CA1: variants seen among roughly 807,000 people sequenced by gnomAD.
The protein encoded by CA1 is carbonate dehydratase I.
A neutral mutation model predicts 28.8 loss-of-function variants in CA1; 27 were observed. The ratio of observed to expected loss-of-function variants is 0.94; its 90% CI spans 0.69 to 1.29. The LOEUF (loss-of-function observed/expected upper bound fraction) is 1.29, where lower values mean the gene tolerates loss of function less well. CA1 is among the 50% of genes most tolerant of loss of function. The probability of loss-of-function intolerance (pLI) is 0.00; values close to 1 mark genes in which losing one functional copy is unlikely to be tolerated. For synonymous variants in CA1, 121 were observed against 108.8 expected, an observed-to-expected ratio of 1.11 and a Z score of -0.70; for missense variants, 335 against 310.5, an observed-to-expected ratio of 1.08 and a Z score of -0.59.
rs1316744851 is a variant in CA1, at chr8:85,361,577, C to T, written c.-25+16469G>A. Among the ~76,000 whole-genome samples, 7 of 151,912 alleles carry T rather than the reference C, an allele frequency of 4.6e-5. No homozygotes were observed. The South Asian group carries it at 6.2e-4, about 14-fold the overall frequency. ...CTGTAATCCCACCTACTTGGGAGGC[C>T]GAGACAGGAGAATCACTTGAACCCA... On this transcript the variant is annotated intron_variant, in intron 1 of 7. Transcript: ENST00000523022.
At chr8:85,372,721 A>G (rs1241180712) in intron 1 of CA1, among the ~76,000 whole-genome samples, 1 of 152,190 alleles carries the variant, frequency 6.6e-6, no homozygotes, top group African/African-American at 2.4e-5. Flanking sequence ...AGAAATAAAC[A>G]ATACGTTTTC....
At chr8:85,344,461 A>T (rs1203934575) in intron 1 of CA1, among the ~76,000 whole-genome samples, 1 of 150,372 alleles carries the variant, frequency 6.7e-6, no homozygotes, top group Non-Finnish European at 1.5e-5. Flanking sequence ...ATGTTTTTCA[A>T]AAAAGCATTT....
At chr8:85,355,492 C>T (rs971319804) in intron 1 of CA1, among the ~76,000 whole-genome samples, 2 of 151,778 alleles carry the variant, frequency 1.3e-5, no homozygotes, top group Admixed American at 1.3e-4. Flanking sequence ...TAGCGATCCT[C>T]CCACCTCAGC....
chr8:85,375,054 A>G (rs762354514), intron 1 of CA1, among the ~76,000 whole-genome samples: 8 of 152,220 alleles, frequency 5.3e-5, no homozygotes, highest in Non-Finnish European at 1.2e-4. Context: ...TATATAAAAC[A>G]TATGATTGTG....
chr8:85,337,030 C>A lies in CA1; in HGVS notation c.269G>T (p.Arg90Met), dbSNP rs781306093. Residue 90 changes from arginine (R) to methionine (M), a missense_variant, in exon 4 of 8, where the codon AGG (arginine) becomes ATG (methionine). Physicochemically the swap from Arg to Met is moderately conservative, Grantham distance 91. Transcript: ENST00000523022. ...LKGGPFSDSYRLFQFHFHWGS... is the reference protein window; with the variant it reads ...LKGGPFSDSYMLFQFHFHWGS... ...CCAGTGAAAATGGAACTGAAAGAGCCTGTAGCTGTCAGAGAAAGGACCACC... is the reference window on the plus strand; with the variant it reads ...CCAGTGAAAATGGAACTGAAAGAGCATGTAGCTGTCAGAGAAAGGACCACC... The A allele has an allele frequency of 6.2e-7, 1 of 1,612,870 alleles. No individual in the cohort carries two copies. Among genetic ancestry groups the A allele is most frequent in the Admixed American group, 1.7e-5 (1 of 59,994 alleles).
chr8:85,357,254 T>C (rs936632335), intron 1 of CA1, among the ~76,000 whole-genome samples: 3 of 152,220 alleles, frequency 2.0e-5, no homozygotes, highest in African/African-American at 7.2e-5. Context: ...ACAGTGGAGC[T>C]GTATTTTTAT....
At chr8:85,375,995 A>G (rs937839069) in intron 1 of CA1, among the ~76,000 whole-genome samples, 1 of 152,228 alleles carries the variant, frequency 6.6e-6, no homozygotes, top group Admixed American at 6.5e-5. Context: ...AGTGAATAAT[A>G]TCCTATAGAG....
rs1496532 is a variant in CA1, at chr8:85,341,753, C to A, written c.-24-94G>T. ...GCTTGGGCGTTTTTATAGAAACTTACTTGCTTTTAATAGGCCATTATTTCA... is the reference window on the plus strand; with the variant it reads ...GCTTGGGCGTTTTTATAGAAACTTAATTGCTTTTAATAGGCCATTATTTCA... On this transcript the variant is annotated intron_variant, in intron 1 of 7. Transcript: ENST00000523022. 4.1e-6 allele frequency: 3 copies of A among 736,302 alleles called. No individual in the cohort carries two copies. The South Asian group carries it at 4.5e-5, about 11-fold the overall frequency. 45.6% of individuals were successfully genotyped at this position (736,302 alleles called of 1,614,324 possible).
At chr8:85,373,403 G>GCTTA (rs1351594900) in intron 1 of CA1, 13 of 152,124 alleles carry the variant, frequency 8.5e-5, no homozygotes, top group African/African-American at 3.1e-4. Flanking sequence ...ACATCACAAT[G>GCTTA]CTTACATCAT....
At chr8:85,330,575 A>G (rs1378760712) in intron 6 of CA1, among the ~76,000 whole-genome samples, 2 of 152,156 alleles carry the variant, frequency 1.3e-5, no homozygotes, top group African/African-American at 4.8e-5. Context: ...TTCACTATGA[A>G]GTTAAATGTT....
intron 1 of CA1, among the ~76,000 whole-genome samples, chr8:85,352,127 G>A (rs767780805): frequency 3.3e-5 from 5 of 152,208 alleles, no homozygotes; most frequent in Non-Finnish European, 7.3e-5. Flanking sequence ...TCACCAACCT[G>A]TCTCCTGAAA....
At chr8:85,345,671 G>A (rs956381711) in intron 1 of CA1, among the ~76,000 whole-genome samples, 3 of 152,152 alleles carry the variant, frequency 2.0e-5, no homozygotes, top group Admixed American at 2.0e-4. Flanking sequence ...GCTTACCCAA[G>A]TGCACTGATC....
intron 2 of CA1, among the ~76,000 whole-genome samples, chr8:85,340,747 A>T (rs1433997858): frequency 6.6e-6 from 1 of 152,228 alleles, no homozygotes; most frequent in Non-Finnish European, 1.5e-5. Flanking sequence ...AAAGAAGTTA[A>T]TTCCAAAGTC....
At chr8:85,333,662 T>C in intron 4 of CA1, 42 bp from the exon 5 acceptor site, 1 of 1,270,344 alleles carries the variant, frequency 7.9e-7, no homozygotes, top group Non-Finnish European at 1.1e-6. Flanking sequence ...TATACCAGTG[T>C]GATGAAAAAA....
intron 4 of CA1, 109 bp from the exon 5 acceptor site, chr8:85,333,729 A>C: frequency 1.4e-6 from 1 of 717,186 alleles, no homozygotes. Context: ...TTAGATACAT[A>C]AAACTTATGT....
chr8:85,355,258 A>G (rs1397498901), intron 1 of CA1, among the ~76,000 whole-genome samples: 1 of 152,224 alleles, frequency 6.6e-6, no homozygotes, highest in Non-Finnish European at 1.5e-5. Flanking sequence ...AAGAACTGGT[A>G]TACACGAACA....
At chr8:85,352,192 G>A (rs965920637) in intron 1 of CA1, among the ~76,000 whole-genome samples, 3 of 152,306 alleles carry the variant, frequency 2.0e-5, no homozygotes, top group Middle Eastern at 3.4e-3. Context: ...GATGGAGAAA[G>A]TATGTTTTGA....
Position 85,328,752 on chromosome 8 carries a change from G to T in CA1, c.670-76C>A, listed in dbSNP as rs74427886. On this transcript the variant is annotated intron_variant, in intron 7 of 7. Coordinates refer to ENST00000523022, the MANE Select transcript of CA1 (RefSeq NM_001128831.4). ...GCGTTTTATTTACAGGATTACTAAC[G>T]CACTGATATTTAGAAAACTGAGTTA... is the stretch of plus-strand genomic sequence containing the variant. 6.0e-6 allele frequency: 5 copies of T among 836,836 alleles called. No homozygotes were observed. In the African/African-American group the frequency reaches 6.9e-5, roughly 12 times the overall value. 51.8% of individuals were successfully genotyped at this position (836,836 alleles called of 1,614,324 possible).
At chr8:85,365,666 C>G (rs1377962941) in intron 1 of CA1, among the ~76,000 whole-genome samples, 1 of 152,194 alleles carries the variant, frequency 6.6e-6, no homozygotes, top group African/African-American at 2.4e-5. Context: ...TTAAAATCAT[C>G]TTCTCTTCAC....
Sources: allele counts gnomAD v4.1 joint callset (sites outside exome capture counted in the v4.1 genomes callset), GRCh38; gene constraint gnomAD v4.1.1; transcripts MANE v1.5; gene names NCBI Gene and HGNC (gene_info 2026-07-23, HGNC 2026-07-21).